The following RALGAPA1 variants were observed in gnomAD, a reference collection of about 807,000 sequenced individuals.
The protein encoded by RALGAPA1 is Ral GTPase activating protein catalytic subunit alpha 1, also known as ral GTPase-activating protein subunit alpha-1.
In RALGAPA1, 52 loss-of-function variants were observed where a neutral mutation model predicts 269.6. That is an observed-to-expected ratio of 0.19 (90% CI 0.15 to 0.24). The LOEUF is 0.24. Ranked by LOEUF, RALGAPA1 falls within the 10% of genes least tolerant of loss-of-function variation. RALGAPA1 has a pLI of 1.00. For missense variants in RALGAPA1, 1,917 were observed against 3,013.9 expected (o/e 0.64, Z 8.52); for synonymous variants, 817 against 1,008.3 (o/e 0.81, Z 3.60).
intron 21 of RALGAPA1, among the ~76,000 whole-genome samples, chr14:35,681,021 TA>T (rs1266882576): frequency 4.6e-5 from 7 of 152,200 alleles, no homozygotes; most frequent in Admixed American, 3.3e-4. Context: ...ATTCATGACC[TA>T]AAAAGAGGTT....
At chr14:35,739,238 C>G (rs1418245470) in intron 11 of RALGAPA1, among the ~76,000 whole-genome samples, 1 of 152,150 alleles carries the variant, frequency 6.6e-6, no homozygotes. Context: ...TTTAAAGTGT[C>G]CCTCCATTTT....
chr14:35,715,845 C>T, intron 16 of RALGAPA1: 1 of 985,404 alleles, frequency 1.0e-6, no homozygotes. Context: ...AAGATCATCC[C>T]ACTTTTCCAG....
At chr14:35,698,002 G>A (rs1019483710) in intron 17 of RALGAPA1, among the ~76,000 whole-genome samples, 3 of 152,140 alleles carry the variant, frequency 2.0e-5, no homozygotes, top group African/African-American at 7.2e-5. Flanking sequence ...AGGATTATGT[G>A]TATTTTTGCA....
At chr14:35,591,198 G>C (rs758904028) in intron 37 of RALGAPA1, among the ~76,000 whole-genome samples, 3 of 152,098 alleles carry the variant, frequency 2.0e-5, no homozygotes, top group Non-Finnish European at 4.4e-5. Context: ...AGATTCTAAG[G>C]TAGCAAGATT....
chr14:35,676,620 T>C (rs1391096044), intron 22 of RALGAPA1: 2 of 152,240 alleles, frequency 1.3e-5, no homozygotes, highest in Non-Finnish European at 2.9e-5. Context: ...AATGTATCTA[T>C]GTTAAATATC....
At chr14:35,713,912 G>A (rs1392455240) in intron 16 of RALGAPA1, among the ~76,000 whole-genome samples, 1 of 151,932 alleles carries the variant, frequency 6.6e-6, no homozygotes, top group Non-Finnish European at 1.5e-5. Flanking sequence ...CCTGGCCAAC[G>A]TGGTGAAATC....
At chr14:35,683,742 T>A in intron 21 of RALGAPA1, 67 bp downstream of exon 21, 3 of 1,269,444 alleles carry the variant, frequency 2.4e-6, no homozygotes, top group Non-Finnish European at 3.2e-6. Flanking sequence ...TCTCTCAAAA[T>A]TTTAATCAAA....
intron 9 of RALGAPA1, among the ~76,000 whole-genome samples, chr14:35,749,987 G>T (rs1403057326): frequency 6.6e-6 from 1 of 152,090 alleles, no homozygotes; most frequent in Non-Finnish European, 1.5e-5. Flanking sequence ...AAAGTAAACT[G>T]TTAAATCCAA....
intron 31 of RALGAPA1, among the ~76,000 whole-genome samples, chr14:35,641,350 ACT>A (rs1315206655): frequency 6.6e-6 from 1 of 152,130 alleles, no homozygotes; most frequent in African/African-American, 2.4e-5. Context: ...AGACCTAAAG[ACT>A]CTATCAAATA....
At chr14:35,664,376 C>T (rs138606643) in intron 27 of RALGAPA1, among the ~76,000 whole-genome samples, 1 of 152,188 alleles carries the variant, frequency 6.6e-6, no homozygotes, top group African/African-American at 2.4e-5. Context: ...TGGGGTATTT[C>T]AATAAATGTT....
At chr14:35,735,779 A>G (rs1488554045) in intron 12 of RALGAPA1, among the ~76,000 whole-genome samples, 1 of 152,224 alleles carries the variant, frequency 6.6e-6, no homozygotes, top group African/African-American at 2.4e-5. Context: ...AAAAAGAGTA[A>G]GACAAAATTC....
At chr14:35,652,364 T>TTA (rs10645179) in intron 30 of RALGAPA1, among the ~76,000 whole-genome samples, 20,263 of 147,800 alleles carry the variant, frequency 0.14, 1,558 homozygotes, top group Non-Finnish European at 0.19. Context: ...GGCCTTTTGT[T>TTA]TATATATATA....
intron 27 of RALGAPA1, among the ~76,000 whole-genome samples, 170 bp from the exon 28 acceptor site, chr14:35,659,366 T>G (rs1376104748): frequency 1.3e-5 from 2 of 152,066 alleles, no homozygotes; most frequent in Non-Finnish European, 2.9e-5. Flanking sequence ...TTTCTGAAAT[T>G]TATAGCCAAA....
intron 35 of RALGAPA1, among the ~76,000 whole-genome samples, chr14:35,610,029 GA>G (rs2139283286): frequency 6.7e-6 from 1 of 150,268 alleles, no homozygotes; most frequent in South Asian, 2.1e-4. Flanking sequence ...AAATAAAATA[GA>G]AGAGAAAAAC....
intron 33 of RALGAPA1, among the ~76,000 whole-genome samples, chr14:35,633,032 G>A (rs1203705698): frequency 6.6e-6 from 1 of 152,302 alleles, no homozygotes; most frequent in South Asian, 2.1e-4. Context: ...GAAGGGTACT[G>A]CACAGAGTAT....
intron 29 of RALGAPA1, among the ~76,000 whole-genome samples, chr14:35,655,196 G>A (rs1217833349): frequency 2.0e-5 from 3 of 152,010 alleles, no homozygotes; most frequent in Non-Finnish European, 4.4e-5. Flanking sequence ...AGAAATATCT[G>A]TCATGTAACT....
At chr14:35,632,250 A>G (rs948612551) in intron 33 of RALGAPA1, among the ~76,000 whole-genome samples, 12 of 152,202 alleles carry the variant, frequency 7.9e-5, no homozygotes, top group Admixed American at 2.0e-4. Context: ...AGAAGACATG[A>G]AATTCTCTAG....
intron 12 of RALGAPA1, among the ~76,000 whole-genome samples, chr14:35,728,960 CCTGGCCT>C (rs1292536392): frequency 2.6e-5 from 4 of 152,042 alleles, no homozygotes; most frequent in Non-Finnish European, 4.4e-5. Flanking sequence ...GTCTCAAACT[CCTGGCCT>C]CAAGTGATCT....
intron 1 of RALGAPA1, among the ~76,000 whole-genome samples, chr14:35,789,640 T>G (rs2076020193): frequency 6.6e-6 from 1 of 152,012 alleles, no homozygotes; most frequent in African/African-American, 2.4e-5. Context: ...AACAGTTTCA[T>G]CCCGAAACCA....
Sources: allele counts gnomAD v4.1 joint callset (sites outside exome capture counted in the v4.1 genomes callset), GRCh38; gene constraint gnomAD v4.1.1; transcripts MANE v1.5; gene names NCBI Gene and HGNC (gene_info 2026-07-23, HGNC 2026-07-21).